Variants in MCTP1 observed in about 807,000 individuals in gnomAD.
MCTP1 encodes multiple C2 and transmembrane domain-containing protein 1.
In MCTP1, 69 loss-of-function variants were observed where a neutral mutation model predicts 120.6. The observed-to-expected ratio is 0.57, with a 90% CI of 0.47 to 0.70. The LOEUF (loss-of-function observed/expected upper bound fraction) is 0.70. MCTP1 is among the 30% of genes least tolerant of loss of function. MCTP1 has a pLI of 0.00. For missense variants in MCTP1, 1,203 were observed against 1,248.8 expected, an observed-to-expected ratio of 0.96 and a Z score of 0.55; for synonymous variants, 529 against 493.1, an observed-to-expected ratio of 1.07 and a Z score of -0.96.
intron 2 of MCTP1, among the ~76,000 whole-genome samples, chr5:95,007,105 G>T (rs1186405676): frequency 1.3e-5 from 2 of 152,168 alleles, no homozygotes; most frequent in Non-Finnish European, 2.9e-5. Context: ...ATGGTGGCAG[G>T]AAGAGGAGAA....
intron 1 of MCTP1, among the ~76,000 whole-genome samples, chr5:95,198,994 C>T (rs984033802): frequency 9.2e-5 from 14 of 152,116 alleles, no homozygotes; most frequent in African/African-American, 3.4e-4. Flanking sequence ...TTAAGATTTA[C>T]ATATTAAGAT....
chr5:95,262,670 G>A (rs1758565385), intron 1 of MCTP1, among the ~76,000 whole-genome samples: 1 of 151,810 alleles, frequency 6.6e-6, no homozygotes. Flanking sequence ...TAGCAATGTG[G>A]GAAATTCTCA....
chr5:94,822,481 C>G (rs1465993678), intron 17 of MCTP1, among the ~76,000 whole-genome samples: 1 of 152,112 alleles, frequency 6.6e-6, no homozygotes, highest in Non-Finnish European at 1.5e-5. Context: ...TGGGTTGGTT[C>G]TAAGTCTTTG....
chr5:94,844,798 C>CT (rs1282152974), intron 17 of MCTP1, among the ~76,000 whole-genome samples: 2 of 152,144 alleles, frequency 1.3e-5, no homozygotes, highest in African/African-American at 4.8e-5. Flanking sequence ...TTTCTGGTTT[C>CT]TTTTTTCCAT....
intron 1 of MCTP1, among the ~76,000 whole-genome samples, chr5:95,224,043 GGAAATACA>G (rs1331673545): frequency 6.6e-6 from 1 of 152,198 alleles, no homozygotes; most frequent in Admixed American, 6.5e-5. Flanking sequence ...GCCAACTTTG[GGAAATACA>G]GTACAAATAG....
chr5:94,863,048 G>A (rs925625277), intron 17 of MCTP1, among the ~76,000 whole-genome samples: 3 of 151,736 alleles, frequency 2.0e-5, no homozygotes, highest in Non-Finnish European at 4.4e-5. Context: ...AATGTTTAAC[G>A]TAGCTTCTAA....
chr5:95,113,502 C>T (rs1757601465), intron 1 of MCTP1, among the ~76,000 whole-genome samples: 1 of 152,010 alleles, frequency 6.6e-6, no homozygotes, highest in African/African-American at 2.4e-5. Flanking sequence ...TGTGAGACAA[C>T]GTATATTGAA....
intron 21 of MCTP1, 104 bp from the exon 22 acceptor site, chr5:94,708,713 G>T: frequency 3.1e-6 from 2 of 639,420 alleles, no homozygotes; most frequent in Non-Finnish European, 5.6e-6. Context: ...AATACACCCA[G>T]TTTTTTCCCC....
chr5:95,086,698 A>G (rs1755464926), intron 1 of MCTP1, among the ~76,000 whole-genome samples: 1 of 152,230 alleles, frequency 6.6e-6, no homozygotes, highest in South Asian at 2.1e-4. Flanking sequence ...TATTCATTTG[A>G]AGAAAAAAAT....
intron 1 of MCTP1, among the ~76,000 whole-genome samples, chr5:95,280,438 T>C (rs1760221648): frequency 6.6e-6 from 1 of 152,232 alleles, no homozygotes; most frequent in Non-Finnish European, 1.5e-5. Context: ...ACGTATTCAT[T>C]CCTCACTCTT....
At chr5:95,259,287 C>G (rs1471700262) in intron 1 of MCTP1, among the ~76,000 whole-genome samples, 1 of 152,116 alleles carries the variant, frequency 6.6e-6, no homozygotes, top group Non-Finnish European at 1.5e-5. Flanking sequence ...TTCCTTTGAC[C>G]AAAGGAAGAA....
intron 1 of MCTP1, among the ~76,000 whole-genome samples, chr5:95,029,416 T>C (rs1049320958): frequency 2.6e-5 from 4 of 152,200 alleles, no homozygotes; most frequent in Non-Finnish European, 5.9e-5. Flanking sequence ...TTTCTCAAGA[T>C]AGCTGACCAG....
Position 94,752,204 on chromosome 5 carries a change from T to C in MCTP1, c.2610+26906A>G, listed in dbSNP as rs146960546. Reference sequence around the variant, plus strand: ...TCACCCGGCTGAAACAGTGTCTGCGTGTTTGGCAGGAGAGTCAGGGAAGAG... The same window carrying C: ...TCACCCGGCTGAAACAGTGTCTGCGCGTTTGGCAGGAGAGTCAGGGAAGAG... On this transcript the variant is annotated intron_variant, in intron 19 of 22. Coordinates refer to ENST00000515393, the MANE Select transcript of MCTP1 (RefSeq NM_024717.7). Among the ~76,000 whole-genome samples the C allele has an allele frequency of 5.9e-3, 853 of 145,064 alleles. 17 individuals carry two copies. The highest frequency in any genetic ancestry group is 0.02 in the African/African-American group (806 of 39,830).
chr5:94,712,232 A>G (rs930410646), intron 20 of MCTP1, among the ~76,000 whole-genome samples: 3 of 152,118 alleles, frequency 2.0e-5, no homozygotes, highest in African/African-American at 7.2e-5. Flanking sequence ...TGATGGTAAT[A>G]TGTTTATGTG....
intron 19 of MCTP1, among the ~76,000 whole-genome samples, chr5:94,756,665 A>G (rs1769970841): frequency 6.6e-6 from 1 of 152,226 alleles, no homozygotes; most frequent in South Asian, 2.1e-4. Flanking sequence ...AGATGTTGGC[A>G]AAATGAGATC....
intron 10 of MCTP1, among the ~76,000 whole-genome samples, chr5:94,902,713 C>T (rs112609786): frequency 2.6e-5 from 4 of 152,198 alleles, no homozygotes; most frequent in African/African-American, 4.8e-5. Context: ...TTTCAAGTTC[C>T]ATGACTATGC....
intron 1 of MCTP1, among the ~76,000 whole-genome samples, chr5:95,206,733 T>C (rs755168590): frequency 1.4e-4 from 22 of 152,152 alleles, no homozygotes; most frequent in Non-Finnish European, 3.1e-4. Flanking sequence ...AGACAGGGTT[T>C]CACCATGTTG....
intron 1 of MCTP1, among the ~76,000 whole-genome samples, chr5:95,034,432 C>A (rs1198000293): frequency 6.6e-6 from 1 of 151,918 alleles, no homozygotes; most frequent in African/African-American, 2.4e-5. Flanking sequence ...CACCCACAAC[C>A]AACTGATCTT....
At chr5:94,767,098 C>T (rs1188268936) in intron 19 of MCTP1, among the ~76,000 whole-genome samples, 2 of 152,250 alleles carry the variant, frequency 1.3e-5, no homozygotes, top group South Asian at 2.1e-4. Flanking sequence ...TTATCTGAGG[C>T]ATGCAAGGAT....
Sources: allele counts gnomAD v4.1 joint callset (sites outside exome capture counted in the v4.1 genomes callset), GRCh38; gene constraint gnomAD v4.1.1; transcripts MANE v1.5; gene names NCBI Gene and HGNC (gene_info 2026-07-23, HGNC 2026-07-21).